Variants in SMAD7 observed in about 807,000 individuals in gnomAD.
SMAD7 encodes the protein MAD (mothers against decapentaplegic, Drosophila) homolog 7.
In SMAD7, 8 loss-of-function variants were observed where a neutral mutation model predicts 38.7. The ratio of observed to expected loss-of-function variants is 0.21; its 90% CI spans 0.12 to 0.37. The LOEUF is 0.37. Ranked by LOEUF, SMAD7 falls within the 10% of genes least tolerant of loss-of-function variation. SMAD7 has a pLI of 1.00. For missense variants in SMAD7, 477 were observed against 577.9 expected (o/e 0.83, Z 1.79); for synonymous variants, 327 against 265.1 (o/e 1.23, Z -2.27).
rs142390690 is a variant in SMAD7 at position 48,924,713 on chromosome 18, C to T, written c.743-2803G>A. On this transcript the variant is annotated intron_variant, in intron 3 of 3. Transcript: ENST00000262158. ...CCTGCCTGCTCCTCCCTCGCTGTCCCCTCCAGCTCCCCCACCAGCAGCCTC... is the reference window on the plus strand; with the variant it reads ...CCTGCCTGCTCCTCCCTCGCTGTCCTCTCCAGCTCCCCCACCAGCAGCCTC... 4.9e-4 allele frequency among the ~76,000 whole-genome samples: 75 copies of T among 152,272 alleles called. 1 individual carries two copies. In the East Asian group the frequency reaches 6.6e-3, roughly 13 times the overall value.
chr18:48,925,830 T>C (rs61670034), intron 3 of SMAD7, among the ~76,000 whole-genome samples: 2,655 of 152,062 alleles, frequency 0.017, 73 homozygotes, highest in African/African-American at 0.059. Flanking sequence ...CACTGCAAGC[T>C]CCGCCTCCCG....
intron 3 of SMAD7, among the ~76,000 whole-genome samples, chr18:48,925,439 C>CGT (rs978582610): frequency 6.6e-6 from 1 of 150,544 alleles, no homozygotes; most frequent in African/African-American, 2.4e-5. Context: ...GTTGCCCCCC[C>CGT]CCAACCTTCC....
intron 3 of SMAD7, among the ~76,000 whole-genome samples, chr18:48,923,619 C>A (rs1413310526): frequency 2.6e-5 from 4 of 152,190 alleles, no homozygotes; most frequent in Admixed American, 2.6e-4. Context: ...ACACCCCAAG[C>A]TGGCCTTCCC....
chr18:48,945,064 G>A (rs545234867), intron 2 of SMAD7, among the ~76,000 whole-genome samples: 2 of 152,306 alleles, frequency 1.3e-5, no homozygotes, highest in African/African-American at 4.8e-5. Context: ...CCTAAGTACT[G>A]TTAAAGACAG....
intron 3 of SMAD7, among the ~76,000 whole-genome samples, chr18:48,923,608 G>A (rs570918180): frequency 2.0e-5 from 3 of 152,144 alleles, no homozygotes; most frequent in African/African-American, 7.2e-5. Context: ...GTTCCCTACA[G>A]ACACCCCAAG....
At position 48,950,026 on chromosome 18, in the gene SMAD7, G is replaced by A; in HGVS notation, c.399C>T (p.Asp133=). The part of the protein sequence containing the change: ...TACLLLPGRL[D]CRLGPGAPAG... ...CGGGCGCCCCCGGGCCCAGCCTGCA[G>A]TCCAGGCGGCCGGGCAGCAGGAGGC... The change falls in exon 1 of 4, where the codon GAC becomes GAT. Residue 133 remains aspartate, a synonymous_variant. Transcript: ENST00000262158. 1 of 1,480,502 alleles carries A rather than the reference G, an allele frequency of 6.8e-7. No homozygotes were observed. Among genetic ancestry groups the A allele is most frequent in the Non-Finnish European group, 8.9e-7 (1 of 1,119,556 alleles). 91.7% of individuals were successfully genotyped at this position (1,480,502 alleles called of 1,614,324 possible). A position where few individuals can be genotyped will look rare whatever the true frequency, so the allele number is the denominator to read the frequency against.
chr18:48,950,288 C>G lies in SMAD7; in HGVS notation c.137G>C (p.Arg46Pro). The change falls in exon 1 of 4, where the codon CGA (arginine) becomes CCA (proline). Residue 46 changes from arginine (R) to proline (P), a missense_variant. Transcript: ENST00000262158. ...GCCGCCGCCACCGGCCCCATGCGCTCGGCTGTCCGTCGCCCCTTCTCCCCG... is the reference window on the plus strand; with the variant it reads ...GCCGCCGCCACCGGCCCCATGCGCTGGGCTGTCCGTCGCCCCTTCTCCCCG... ...ELRGEGATDS[R>P]AHGAGGGGPG... 6.5e-7 allele frequency: 1 copy of G among 1,529,806 alleles called. No individual in the cohort carries two copies. Among genetic ancestry groups the G allele is most frequent in the Non-Finnish European group, 8.8e-7 (1 of 1,140,022 alleles). The allele number at this position is 1,529,806 out of a possible 1,614,324, so 94.8% of individuals were successfully genotyped here.
chr18:48,946,817 A>G (rs1391126823), intron 2 of SMAD7, among the ~76,000 whole-genome samples: 1 of 152,202 alleles, frequency 6.6e-6, no homozygotes, highest in African/African-American at 2.4e-5. Flanking sequence ...CTGAGAACAG[A>G]TTTATCCCAG....
intron 3 of SMAD7, among the ~76,000 whole-genome samples, chr18:48,927,991 C>G (rs2069949481): frequency 6.6e-6 from 1 of 152,228 alleles, no homozygotes; most frequent in Non-Finnish European, 1.5e-5. Flanking sequence ...ACACAGGCCT[C>G]TAAAGCCACC....
In SMAD7 at chr18:48,950,319, C is replaced by G. The variant is rs1286970658; in HGVS notation, c.106G>C (p.Glu36Gln). ...TCCGTCGCCCCTTCTCCCCGCAGCT[C>G]GCCTCCTCCTCCACCTCCCCCTGCG... ...EGAGGGGGGG[E>Q]LRGEGATDSR... Residue 36 changes from glutamate (E) to glutamine (Q), a missense_variant, in exon 1 of 4, where the codon GAG becomes CAG. This residue lies in a region of SMAD7 where 376 missense variants were observed against 379.4 expected (regional missense o/e 0.99). Transcript: ENST00000262158. 1.3e-6 allele frequency: 2 copies of G among 1,537,124 alleles called. No homozygotes were observed. Among genetic ancestry groups the G allele is most frequent in the Non-Finnish European group, 1.8e-6 (2 of 1,141,806 alleles).
chr18:48,950,734 C>T lies in SMAD7; in HGVS notation c.-310G>A, dbSNP rs2070254975. ...CCGGCCCCGGCGCGCCCCGGAGGAA[C>T]CCGGCCGCCGCTTCCCTGGGGACGG... On this transcript the variant is annotated 5_prime_UTR_variant, in exon 1 of 4. Coordinates refer to ENST00000262158, the MANE Select transcript of SMAD7 (RefSeq NM_005904.4). 2 of 149,076 alleles carry T rather than the reference C, an allele frequency of 1.3e-5. No homozygotes were observed. The highest frequency in any genetic ancestry group is 2.1e-4 in the South Asian group (1 of 4,826). The allele number at this position is 149,076 out of a possible 1,614,324, so 9.2% of individuals were successfully genotyped here.
intron 3 of SMAD7, among the ~76,000 whole-genome samples, chr18:48,923,669 A>T (rs2069891157): frequency 6.6e-6 from 1 of 152,180 alleles, no homozygotes; most frequent in African/African-American, 2.4e-5. Flanking sequence ...GGGGACACTG[A>T]GGTCTCATTC....
chr18:48,940,016 G>T (rs2070118905), intron 3 of SMAD7, among the ~76,000 whole-genome samples: 1 of 152,116 alleles, frequency 6.6e-6, no homozygotes. Flanking sequence ...CTGGACAGGG[G>T]CCAATAAAGT....
rs368152176 is a variant in SMAD7 at position 48,928,533 on chromosome 18, A to G, written c.743-6623T>C. 1.9e-3 allele frequency among the ~76,000 whole-genome samples: 284 copies of G among 152,150 alleles called. 2 individuals are homozygous for G. The highest frequency in any genetic ancestry group is 0.01 in the Middle Eastern group (3 of 294). ...ACCCTCAAGAGACGGTGAGCCCCCAAGAGAGGATCTCTTTTATCACTGTCA... is the reference window on the plus strand; with the variant it reads ...ACCCTCAAGAGACGGTGAGCCCCCAGGAGAGGATCTCTTTTATCACTGTCA... On this transcript the variant is annotated intron_variant, in intron 3 of 3. Transcript: ENST00000262158.
chr18:48,946,435 G>GGGGT (rs2070196464), intron 2 of SMAD7, among the ~76,000 whole-genome samples: 3 of 152,082 alleles, frequency 2.0e-5, no homozygotes, highest in Admixed American at 6.6e-5. Context: ...GGGGGCGGGG[G>GGGGT]GGGTGTGCTC....
Position 48,942,528 on chromosome 18 carries a change from G to A in SMAD7, c.695C>T (p.Ser232Phe). 1.9e-6 allele frequency: 3 copies of A among 1,610,224 alleles called. No individual in the cohort carries two copies. Among genetic ancestry groups the A allele is most frequent in the Non-Finnish European group, 8.5e-7 (1 of 1,178,504 alleles). ...TADCPDAVPS[S>F]AETGGTNYLA... ...ATAATTCGTTCCCCCTGTTTCAGCG[G>A]AGGAAGGCACAGCATCTGGACAGTC... is the stretch of plus-strand genomic sequence containing the variant. Residue 232 changes from serine to phenylalanine, a missense_variant, in exon 3 of 4, where the codon TCC becomes TTC. Ser to Phe is a radical substitution (Grantham distance 155). Around this residue, in one of 2 missense-constraint regions of SMAD7, gnomAD observed 376 missense variants for 379.4 expected, o/e 0.99. Transcript: ENST00000262158.
chr18:48,933,315 C>G (rs1165314288), intron 3 of SMAD7, among the ~76,000 whole-genome samples: 1 of 152,136 alleles, frequency 6.6e-6, no homozygotes, highest in Non-Finnish European at 1.5e-5. Context: ...GCTGCCCCTG[C>G]CTGCCTCCAG....
chr18:48,927,258 A>G (rs1049912732), intron 3 of SMAD7, among the ~76,000 whole-genome samples: 1 of 152,252 alleles, frequency 6.6e-6, no homozygotes, highest in Non-Finnish European at 1.5e-5. Context: ...TCTCTCCCCA[A>G]ACAGATCAGA....
At chr18:48,944,901 G>C (rs2070179504) in intron 2 of SMAD7, among the ~76,000 whole-genome samples, 1 of 152,226 alleles carries the variant, frequency 6.6e-6, no homozygotes, top group Non-Finnish European at 1.5e-5. Context: ...GGTTCTGCGA[G>C]AGAAAAAGAC....
Sources: allele counts gnomAD v4.1 joint callset (sites outside exome capture counted in the v4.1 genomes callset), GRCh38; gene constraint gnomAD v4.1.1; regional missense constraint gnomAD v4.1.1; transcripts MANE v1.5; gene names NCBI Gene and HGNC (gene_info 2026-07-23, HGNC 2026-07-21).